Variants in MAST4 observed in about 807,000 individuals in gnomAD.
MAST4 encodes the protein microtubule-associated serine/threonine-protein kinase 4.
A neutral mutation model predicts 162.7 loss-of-function variants in MAST4; 89 were observed. That is an observed-to-expected ratio of 0.55 (90% CI 0.46 to 0.65). The LOEUF (loss-of-function observed/expected upper bound fraction) is 0.65, where lower values mean the gene tolerates loss of function less well. Among genes scored for constraint, MAST4 ranks in the 30% least tolerant of loss-of-function variants. The pLI, the probability that MAST4 is intolerant of heterozygous loss-of-function variation, is 0.00. For missense variants in MAST4, 3,153 were observed against 3,374.0 expected (o/e 0.93, Z 1.62); for synonymous variants, 1,479 against 1,361.1 (o/e 1.09, Z -1.91).
At chr5:66,821,714 C>G (rs192913428) in intron 3 of MAST4, among the ~76,000 whole-genome samples, 118 of 152,284 alleles carry the variant, frequency 7.7e-4, no homozygotes, top group African/African-American at 2.6e-3. Flanking sequence ...TGAGGCTCAG[C>G]TCATCACTGG....
intron 1 of MAST4, among the ~76,000 whole-genome samples, chr5:66,648,804 A>C (rs1353815001): frequency 6.6e-6 from 1 of 152,108 alleles, no homozygotes; most frequent in Non-Finnish European, 1.5e-5. Context: ...CGGTTTTTAC[A>C]TTATTTGTAG....
intron 3 of MAST4, among the ~76,000 whole-genome samples, chr5:66,823,547 G>A (rs943406267): frequency 2.6e-5 from 4 of 152,140 alleles, no homozygotes; most frequent in East Asian, 3.9e-4. Context: ...GCGCGATCTC[G>A]GCTCACTGCA....
chr5:67,034,521 GGCCTT>G (rs1390289634), intron 4 of MAST4, among the ~76,000 whole-genome samples: 2 of 152,100 alleles, frequency 1.3e-5, no homozygotes, highest in Non-Finnish European at 2.9e-5. Context: ...AGAGTCAGGC[GGCCTT>G]CCTGAAATGT....
intron 1 of MAST4, among the ~76,000 whole-genome samples, chr5:66,646,957 C>T (rs986094601): frequency 6.6e-6 from 1 of 152,162 alleles, no homozygotes; most frequent in Admixed American, 6.5e-5. Flanking sequence ...AGATGTCTTT[C>T]TTAGCTGTTT....
chr5:66,794,936 G>A (rs1755580001), intron 3 of MAST4, among the ~76,000 whole-genome samples: 1 of 152,146 alleles, frequency 6.6e-6, no homozygotes, highest in Non-Finnish European at 1.5e-5. Context: ...TGCATTATAA[G>A]AAGTCAGGGA....
chr5:67,145,411 C>T, intron 23 of MAST4, 32 bp downstream of exon 23: 1 of 1,578,492 alleles, frequency 6.3e-7, no homozygotes, highest in Non-Finnish European at 8.7e-7. Flanking sequence ...CTGCTGTCCT[C>T]CTCACCACAC....
At chr5:66,615,330 G>T (rs1483669809) in intron 1 of MAST4, among the ~76,000 whole-genome samples, 2 of 152,098 alleles carry the variant, frequency 1.3e-5, no homozygotes, top group African/African-American at 4.8e-5. Context: ...TAGACACCGG[G>T]TTTCCTGCCT....
chr5:66,923,281 G>T (rs972450320), intron 4 of MAST4, among the ~76,000 whole-genome samples: 9 of 152,182 alleles, frequency 5.9e-5, no homozygotes, highest in South Asian at 2.1e-4. Context: ...TAAAAGAAAC[G>T]CTGGGTATTT....
At position 67,088,716 on chromosome 5, in the gene MAST4, A is replaced by G. The variant is rs183506469; in HGVS notation, c.764-1446A>G. On this transcript the variant is annotated intron_variant, in intron 5 of 28. Transcript: ENST00000403625. Reference sequence around the variant, plus strand: ...CCCAAGGAATAACAGATGCAAAGCCATGATAAATTTCATTGCAGCAGGGGG... The same window carrying G: ...CCCAAGGAATAACAGATGCAAAGCCGTGATAAATTTCATTGCAGCAGGGGG... Among the ~76,000 whole-genome samples, 6 of 152,338 alleles carry G rather than the reference A, an allele frequency of 3.9e-5. No individual in the cohort carries two copies. In the East Asian group the frequency reaches 1.2e-3, roughly 29 times the overall value.
intron 3 of MAST4, among the ~76,000 whole-genome samples, chr5:66,879,245 CT>C (rs1410295603): frequency 2.0e-5 from 3 of 150,794 alleles, no homozygotes; most frequent in Non-Finnish European, 4.4e-5. Context: ...CGCTACTGCA[CT>C]CCAGCCTGGG....
chr5:67,024,353 A>AC (rs1754365915), intron 4 of MAST4, among the ~76,000 whole-genome samples: 2 of 139,152 alleles, frequency 1.4e-5, no homozygotes, highest in African/African-American at 6.1e-5. Flanking sequence ...ACACACACAC[A>AC]TACATATAGA....
At chr5:66,600,047 T>C (rs4700138) in intron 1 of MAST4, among the ~76,000 whole-genome samples, 33,705 of 152,056 alleles carry the variant, frequency 0.22, 4,156 homozygotes, top group South Asian at 0.34. Context: ...CTGTTTTGAA[T>C]GTATTTAGTA....
chr5:66,729,506 G>A (rs1751714366), intron 1 of MAST4, among the ~76,000 whole-genome samples: 1 of 152,120 alleles, frequency 6.6e-6, no homozygotes, highest in South Asian at 2.1e-4. Flanking sequence ...ATAATGAAAT[G>A]TATATTAACT....
At chr5:66,793,204 CTT>C (rs1007856217) in intron 3 of MAST4, among the ~76,000 whole-genome samples, 4 of 152,210 alleles carry the variant, frequency 2.6e-5, no homozygotes, top group African/African-American at 9.7e-5. Context: ...GTTGTGTTCC[CTT>C]TCCCAGACAC....
intron 1 of MAST4, among the ~76,000 whole-genome samples, chr5:66,610,567 G>A (rs764475172): frequency 6.6e-6 from 1 of 152,194 alleles, no homozygotes; most frequent in Non-Finnish European, 1.5e-5. Flanking sequence ...TGCCCCTTGG[G>A]GTGCAGTGCG....
At chr5:67,102,173 CTATTT>C (rs541814997) in intron 8 of MAST4, among the ~76,000 whole-genome samples, 1 of 152,044 alleles carries the variant, frequency 6.6e-6, no homozygotes, top group East Asian at 1.9e-4. Context: ...TGTAGCTATC[CTATTT>C]TATTTTATTT....
intron 2 of MAST4, among the ~76,000 whole-genome samples, chr5:66,775,881 G>C (rs1236439271): frequency 1.3e-5 from 2 of 152,034 alleles, no homozygotes; most frequent in Admixed American, 1.3e-4. Flanking sequence ...TAGGTTTCTT[G>C]CTTATTCATT....
chr5:66,789,423 G>C (rs943290488), intron 3 of MAST4, among the ~76,000 whole-genome samples: 3 of 152,150 alleles, frequency 2.0e-5, no homozygotes, highest in African/African-American at 7.2e-5. Context: ...AGGGTCATGT[G>C]TTGCATTAAA....
At chr5:66,764,341 T>A (rs1315127916) in intron 2 of MAST4, among the ~76,000 whole-genome samples, 1 of 152,176 alleles carries the variant, frequency 6.6e-6, no homozygotes, top group Non-Finnish European at 1.5e-5. Flanking sequence ...CATTTCAAGG[T>A]TCTGCTGGTG....
Sources: allele counts gnomAD v4.1 joint callset (sites outside exome capture counted in the v4.1 genomes callset), GRCh38; gene constraint gnomAD v4.1.1; transcripts MANE v1.5; gene names NCBI Gene and HGNC (gene_info 2026-07-23, HGNC 2026-07-21).